Variants in MND1 observed in about 807,000 individuals in gnomAD.
MND1 encodes the protein meiotic nuclear divisions 1.
In MND1, 28 loss-of-function variants were observed where a neutral mutation model predicts 35.1. The observed-to-expected ratio is 0.80, with a 90% CI of 0.59 to 1.09. The LOEUF (loss-of-function observed/expected upper bound fraction) is 1.09. Ranked by LOEUF, MND1 falls within the 50% of genes least tolerant of loss-of-function variation. The probability of loss-of-function intolerance (pLI) is 0.00; values close to 1 mark genes in which losing one functional copy is unlikely to be tolerated. For synonymous variants in MND1, 69 were observed against 70.5 expected, an observed-to-expected ratio of 0.98 and a Z score of 0.11; for missense variants, 213 against 239.6, an observed-to-expected ratio of 0.89 and a Z score of 0.73.
At chr4:153,381,684 ATATATATATTTTTTTT>A (rs1229731113) in intron 4 of MND1, 6 of 18,718 alleles carry the variant, frequency 3.2e-4, no homozygotes, top group East Asian at 3.9e-3. Context: ...ATATATATAT[ATATATATATTTTTTTT>A]TTTTTTTTTT....
chr4:153,401,100 A>G (rs1049620310), intron 6 of MND1, among the ~76,000 whole-genome samples: 4 of 152,096 alleles, frequency 2.6e-5, no homozygotes, highest in Non-Finnish European at 4.4e-5. Flanking sequence ...AAAATAAAGA[A>G]TTTAAAAAAT....
intron 4 of MND1, among the ~76,000 whole-genome samples, chr4:153,363,403 G>A (rs1444053535): frequency 6.6e-6 from 1 of 152,000 alleles, no homozygotes; most frequent in Non-Finnish European, 1.5e-5. Context: ...GTAGAGACAG[G>A]GTTTTGCCGC....
chr4:153,386,041 A>G (rs891188358), intron 4 of MND1, among the ~76,000 whole-genome samples: 1 of 152,160 alleles, frequency 6.6e-6, no homozygotes, highest in African/African-American at 2.4e-5. Context: ...CAAATGTACC[A>G]TCTTGCGTGG....
At chr4:153,414,677 C>T (rs1729784875) in intron 7 of MND1, 74 bp from the exon 8 acceptor site, 2 of 604,304 alleles carry the variant, frequency 3.3e-6, no homozygotes, top group Non-Finnish European at 5.5e-6. Flanking sequence ...AGTAAAAGAA[C>T]AATGAAGATA....
intron 4 of MND1, among the ~76,000 whole-genome samples, chr4:153,371,795 C>CA (rs1361814129): frequency 6.6e-6 from 1 of 152,100 alleles, no homozygotes; most frequent in Non-Finnish European, 1.5e-5. Flanking sequence ...CCCTTGCACT[C>CA]ACAACTTGGC....
intron 4 of MND1, among the ~76,000 whole-genome samples, chr4:153,378,081 G>A (rs1728561654): frequency 6.6e-6 from 1 of 152,106 alleles, no homozygotes; most frequent in Non-Finnish European, 1.5e-5. Context: ...GAGACACACT[G>A]AAACATACAG....
At chr4:153,361,673 T>A in intron 4 of MND1, 1 of 384,684 alleles carries the variant, frequency 2.6e-6, no homozygotes, top group Non-Finnish European at 5.1e-6. Flanking sequence ...CCCTGTCCAC[T>A]AAAAATACAA....
At chr4:153,347,605 C>T (rs1042667443) in intron 1 of MND1, among the ~76,000 whole-genome samples, 5 of 152,142 alleles carry the variant, frequency 3.3e-5, no homozygotes, top group African/African-American at 9.7e-5. Context: ...GACAAGTAAA[C>T]ATCTTTTCAA....
chr4:153,344,881 C>G (rs534802105), intron 1 of MND1, 141 bp downstream of exon 1: 15 of 1,379,020 alleles, frequency 1.1e-5, no homozygotes, highest in South Asian at 1.5e-5. Flanking sequence ...TCGGCCTCAC[C>G]GTGTAGGGGC....
chr4:153,372,509 G>A (rs1363173295), intron 4 of MND1, among the ~76,000 whole-genome samples: 1 of 152,158 alleles, frequency 6.6e-6, no homozygotes, highest in African/African-American at 2.4e-5. Flanking sequence ...TTTGGCATAT[G>A]TATGTGTCCA....
intron 6 of MND1, among the ~76,000 whole-genome samples, chr4:153,400,253 T>C (rs1049970937): frequency 1.3e-5 from 2 of 152,134 alleles, no homozygotes; most frequent in South Asian, 2.1e-4. Flanking sequence ...CTTTTAATAG[T>C]TATTTATGCA....
chr4:153,350,153 A>G (rs1362609684), intron 2 of MND1, 24 bp downstream of exon 2: 4 of 1,546,206 alleles, frequency 2.6e-6, no homozygotes, highest in Admixed American at 3.6e-5. Flanking sequence ...TTTAACACTT[A>G]TAATTTTGTG....
intron 4 of MND1, among the ~76,000 whole-genome samples, chr4:153,378,964 A>C (rs763725128): frequency 6.6e-5 from 10 of 152,176 alleles, no homozygotes; most frequent in Admixed American, 2.6e-4. Flanking sequence ...TTGTATCTCT[A>C]ACATGACATT....
chr4:153,346,910 T>C lies in MND1; in HGVS notation c.3+2170T>C, dbSNP rs188106089. 2.8e-3 allele frequency among the ~76,000 whole-genome samples: 421 copies of C among 152,280 alleles called. 2 individuals carry two copies. Among genetic ancestry groups the C allele is most frequent in the African/African-American group, 9.7e-3 (402 of 41,560 alleles). On this transcript the variant is annotated intron_variant, in intron 1 of 7. Coordinates refer to ENST00000240488, the MANE Select transcript of MND1 (RefSeq NM_032117.4). ...CACTGAAATTCTAAAGGGATTCCCA[T>C]TGCCCCGCAGCGCCCTTGACATGGC...
chr4:153,374,357 A>C (rs1332463059), intron 4 of MND1, among the ~76,000 whole-genome samples: 1 of 152,186 alleles, frequency 6.6e-6, no homozygotes, highest in Non-Finnish European at 1.5e-5. Flanking sequence ...GGAACTTGTA[A>C]CCTGTGCTGA....
At position 153,397,992 on chromosome 4, in the gene MND1, T is replaced by C. The variant is rs200560764; in HGVS notation, c.466+659T>C. Among the ~76,000 whole-genome samples, 5 of 152,324 alleles carry C rather than the reference T, an allele frequency of 3.3e-5. No individual in the cohort carries two copies. In the East Asian group the frequency reaches 5.8e-4, roughly 18 times the overall value. On this transcript the variant is annotated intron_variant, in intron 6 of 7. Transcript: ENST00000240488. ...AATTTGGCCTCAAGAACTTTGATTCTGTAAAGAAATCCATCATTATCTTCT... is the reference window on the plus strand; with the variant it reads ...AATTTGGCCTCAAGAACTTTGATTCCGTAAAGAAATCCATCATTATCTTCT...
chr4:153,394,303 CA>C lies in MND1; in HGVS notation c.319del (p.Ile107LeufsTer17). 1 of 1,612,410 alleles carries C rather than the reference CA, an allele frequency of 6.2e-7. No individual in the cohort carries two copies. ...AAAAGCATGCAAGCCTACAGAAAAG[CA>C]TTGAGAAAGCTAAAATTGGCCGATG... ...SQKHASLQKS[I>X]EKAKIGRCET... On this transcript the variant is annotated frameshift_variant, in exon 5 of 8. Transcript: ENST00000240488. LOFTEE classifies it high-confidence loss of function.
intron 4 of MND1, among the ~76,000 whole-genome samples, chr4:153,382,484 T>C (rs1043924041): frequency 3.9e-5 from 6 of 152,156 alleles, no homozygotes; most frequent in African/African-American, 1.4e-4. Context: ...GAAATCCAAG[T>C]CCTCTTGAAC....
At position 153,355,712 on chromosome 4, in the gene MND1, G is replaced by A; in HGVS notation, c.127+1G>A. 1 of 1,553,456 alleles carries A rather than the reference G, an allele frequency of 6.4e-7. No individual in the cohort carries two copies. Among genetic ancestry groups the A allele is most frequent in the South Asian group, 1.1e-5 (1 of 88,434 alleles). On this transcript the variant is annotated splice_donor_variant, in intron 3 of 7. Transcript: ENST00000240488. LOFTEE classifies it high-confidence loss of function. ...ATTGCTCCCAAAGAGAAAGGCATTA[G>A]TAAGTACCAAAGTTATACTGGAATG...
Sources: allele counts gnomAD v4.1 joint callset (sites outside exome capture counted in the v4.1 genomes callset), GRCh38; gene constraint gnomAD v4.1.1; transcripts MANE v1.5; gene names NCBI Gene and HGNC (gene_info 2026-07-23, HGNC 2026-07-21).